Variants in SUGCT observed in about 807,000 individuals in gnomAD.
The protein encoded by SUGCT is succinyl-CoA:glutarate CoA-transferase.
In SUGCT, 41 loss-of-function variants were observed where a neutral mutation model predicts 55.0. The observed-to-expected ratio is 0.74, with a 90% confidence interval of 0.58 to 0.97. The LOEUF (loss-of-function observed/expected upper bound fraction) is 0.97. Ranked by LOEUF, SUGCT falls within the 50% of genes least tolerant of loss-of-function variation. SUGCT has a pLI of 0.00. For synonymous variants in SUGCT, 187 were observed against 200.4 expected (o/e 0.93, Z 0.56); for missense variants, 568 against 547.8 (o/e 1.04, Z -0.37).
intron 12 of SUGCT, among the ~76,000 whole-genome samples, chr7:40,676,212 C>T (rs573776204): frequency 4.1e-4 from 62 of 152,256 alleles, no homozygotes; most frequent in African/African-American, 1.5e-3. Flanking sequence ...AAACTTACTT[C>T]ATGGAGTTAT....
chr7:40,925,430 T>C, the SUGCT span, among the ~76,000 whole-genome samples: 1 of 152,204 alleles, frequency 6.6e-6, no homozygotes, highest in South Asian at 2.1e-4. Flanking sequence ...TCCTCCTCAG[T>C]TGTCCACATG....
intron 13 of SUGCT, among the ~76,000 whole-genome samples, chr7:40,844,981 A>T (rs572478373): frequency 6.6e-6 from 1 of 152,226 alleles, no homozygotes; most frequent in East Asian, 1.9e-4. Context: ...ACCTCCCTTT[A>T]GTTCTATATT....
intron 7 of SUGCT, among the ~76,000 whole-genome samples, chr7:40,253,859 G>A (rs552668291): frequency 1.9e-4 from 29 of 152,306 alleles, no homozygotes; most frequent in African/African-American, 7.0e-4. Flanking sequence ...GTTAGTTCAG[G>A]GAACCTGCAA....
chr7:40,948,384 C>T, the SUGCT span, among the ~76,000 whole-genome samples: 1 of 152,038 alleles, frequency 6.6e-6, no homozygotes, highest in African/African-American at 2.4e-5. Context: ...AAATGTAACC[C>T]ACAAACAGAT....
intron 12 of SUGCT, among the ~76,000 whole-genome samples, chr7:40,676,895 G>A (rs1324072116): frequency 8.0e-4 from 5 of 6,284 alleles, no homozygotes; most frequent in Non-Finnish European, 1.5e-3. Flanking sequence ...TCAGAATGAC[G>A]TGTGTGTGTG....
chr7:40,878,446 A>C, the SUGCT span, among the ~76,000 whole-genome samples: 1 of 152,160 alleles, frequency 6.6e-6, no homozygotes, highest in Non-Finnish European at 1.5e-5. Context: ...ATTGTCTGGT[A>C]GGCTTCACTT....
intron 5 of SUGCT, 144 bp downstream of exon 5, chr7:40,189,738 G>A (rs774772132): frequency 1.2e-5 from 4 of 321,408 alleles, no homozygotes; most frequent in Non-Finnish European, 2.3e-5. Flanking sequence ...ACTTTGATTT[G>A]TATACTTCTT....
chr7:40,415,059 AAAATCT>A (rs1382502151), intron 9 of SUGCT, among the ~76,000 whole-genome samples: 198 of 97,942 alleles, frequency 2.0e-3, no homozygotes, highest in East Asian at 0.013. Flanking sequence ...AAAAAAAAAA[AAAATCT>A]ATCTATCTAT....
the SUGCT span, among the ~76,000 whole-genome samples, chr7:40,999,668 C>T: frequency 6.6e-6 from 1 of 152,110 alleles, no homozygotes; most frequent in Non-Finnish European, 1.5e-5. Flanking sequence ...CAATGAGATT[C>T]CAGTGGGGCC....
At chr7:40,756,561 T>A (rs1426439477) in intron 13 of SUGCT, among the ~76,000 whole-genome samples, 1 of 152,208 alleles carries the variant, frequency 6.6e-6, no homozygotes, top group African/African-American at 2.4e-5. Context: ...ATCATGTTTC[T>A]GAAATCACAT....
At chr7:40,250,360 A>T (rs1238624726) in intron 7 of SUGCT, among the ~76,000 whole-genome samples, 2 of 150,220 alleles carry the variant, frequency 1.3e-5, no homozygotes, top group African/African-American at 4.9e-5. Flanking sequence ...AGATAGTGCT[A>T]CTGCCCTCCA....
chr7:40,788,399 C>A (rs1176342671), intron 13 of SUGCT, among the ~76,000 whole-genome samples: 1 of 152,134 alleles, frequency 6.6e-6, no homozygotes. Flanking sequence ...TGGATGCCAA[C>A]GATGAGACTG....
chr7:40,963,345 T>C, the SUGCT span, among the ~76,000 whole-genome samples: 2 of 152,206 alleles, frequency 1.3e-5, no homozygotes, highest in African/African-American at 4.8e-5. Flanking sequence ...ATAGATTTCT[T>C]CATTGATTTT....
chr7:40,678,764 T>C (rs1784115184), intron 12 of SUGCT, among the ~76,000 whole-genome samples: 1 of 152,192 alleles, frequency 6.6e-6, no homozygotes, highest in South Asian at 2.1e-4. Flanking sequence ...GGGCAGATAT[T>C]TTTTCCTACA....
At chr7:40,829,342 A>G (rs1253920747) in intron 13 of SUGCT, among the ~76,000 whole-genome samples, 1 of 152,164 alleles carries the variant, frequency 6.6e-6, no homozygotes, top group Non-Finnish European at 1.5e-5. Context: ...CCACTTTGCC[A>G]TACACTGTTG....
At chr7:40,174,331 C>G (rs998647372) in intron 1 of SUGCT, among the ~76,000 whole-genome samples, 1 of 152,094 alleles carries the variant, frequency 6.6e-6, no homozygotes, top group East Asian at 1.9e-4. Flanking sequence ...CCCATCATGG[C>G]TCTCTGTAAC....
chr7:40,996,274 G>A, the SUGCT span, among the ~76,000 whole-genome samples: 3 of 152,102 alleles, frequency 2.0e-5, no homozygotes, highest in Non-Finnish European at 2.9e-5. Flanking sequence ...TCCTGTACAT[G>A]AAACATTCCC....
At chr7:40,918,240 A>G in the SUGCT span, among the ~76,000 whole-genome samples, 22,286 of 151,980 alleles carry the variant, frequency 0.15, 1,859 homozygotes, top group African/African-American at 0.23. Flanking sequence ...AGGCGGGCGG[A>G]TCACGAGGTC....
intron 12 of SUGCT, among the ~76,000 whole-genome samples, chr7:40,694,739 C>CA (rs1462342713): frequency 2.6e-5 from 4 of 152,104 alleles, no homozygotes; most frequent in Non-Finnish European, 4.4e-5. Context: ...TCCTGTTAAA[C>CA]AAACTGAAGA....
Sources: allele counts gnomAD v4.1 joint callset (sites outside exome capture counted in the v4.1 genomes callset), GRCh38; gene constraint gnomAD v4.1.1; transcripts MANE v1.5; gene names NCBI Gene and HGNC (gene_info 2026-07-23, HGNC 2026-07-21).